The following WWC2 variants were observed in gnomAD, a reference collection of about 807,000 sequenced individuals.
WWC2 encodes WW and C2 domain containing 2.
A neutral mutation model predicts 138.5 loss-of-function variants in WWC2; 101 were observed. The ratio of observed to expected loss-of-function variants is 0.73; its 90% CI spans 0.62 to 0.86. The LOEUF (loss-of-function observed/expected upper bound fraction) is 0.86. Among genes scored for constraint, WWC2 ranks in the 40% least tolerant of loss-of-function variants. The pLI, the probability that WWC2 is intolerant of heterozygous loss-of-function variation, is 0.00. For missense variants in WWC2, 1,420 were observed against 1,419.4 expected (o/e 1.00, Z -0.01); for synonymous variants, 558 against 538.4 (o/e 1.04, Z -0.50).
chr4:183,237,128 C>T lies in WWC2; in HGVS notation c.523-3055C>T, dbSNP rs115102849. Among the ~76,000 whole-genome samples, 1,236 of 152,182 alleles carry T rather than the reference C, an allele frequency of 8.1e-3. 15 individuals carry two copies. Among genetic ancestry groups the T allele is most frequent in the African/African-American group, 0.029 (1,186 of 41,522 alleles). Reference sequence around the variant, plus strand: ...TGTGTTGGGCTGCATTCAAAGCCATCGTGAGTTGGGCAAGCTTGTTTTATA... The same window carrying T: ...TGTGTTGGGCTGCATTCAAAGCCATTGTGAGTTGGGCAAGCTTGTTTTATA... On this transcript the variant is annotated intron_variant, in intron 4 of 22. Coordinates refer to ENST00000403733, the MANE Select transcript of WWC2 (RefSeq NM_024949.6).
chr4:183,296,583 G>A (rs964119631), intron 21 of WWC2, among the ~76,000 whole-genome samples: 4 of 152,056 alleles, frequency 2.6e-5, no homozygotes. Context: ...TTCTGGCCTT[G>A]TAGTAAGTTT....
intron 2 of WWC2, among the ~76,000 whole-genome samples, chr4:183,198,789 T>TAAA (rs56182831): frequency 0.072 from 5,214 of 72,276 alleles, 789 homozygotes; most frequent in African/African-American, 0.11. Context: ...CTCGTCTCTT[T>TAAA]AAAAAAAAAA....
Position 183,245,553 on chromosome 4 carries a change from A to G in WWC2, c.732+8A>G, listed in dbSNP as rs768856738. ...AAACAAGATCTGATGCAGGTACATT[A>G]TAAAACATTTTGTTAAGCCAAACTT... is the stretch of plus-strand genomic sequence containing the variant. On this transcript the variant is annotated splice_region_variant and intron_variant, in intron 6 of 22. Coordinates refer to ENST00000403733, the MANE Select transcript of WWC2 (RefSeq NM_024949.6). 2 of 1,573,008 alleles carry G rather than the reference A, an allele frequency of 1.3e-6. No individual in the cohort carries two copies. The highest frequency in any genetic ancestry group is 1.7e-6 in the Non-Finnish European group (2 of 1,165,478).
intron 1 of WWC2, among the ~76,000 whole-genome samples, chr4:183,144,140 T>A (rs1426111575): frequency 6.6e-6 from 1 of 152,232 alleles, no homozygotes; most frequent in Non-Finnish European, 1.5e-5. Flanking sequence ...TTGCATTTCT[T>A]CAGAACTTCT....
At chr4:183,213,389 T>C (rs532224456) in intron 4 of WWC2, among the ~76,000 whole-genome samples, 14 of 152,372 alleles carry the variant, frequency 9.2e-5, no homozygotes, top group Admixed American at 2.0e-4. Context: ...CTTGAATAAA[T>C]TAACTCATCA....
intron 1 of WWC2, among the ~76,000 whole-genome samples, chr4:183,129,074 G>A (rs953476530): frequency 1.3e-5 from 2 of 152,168 alleles, no homozygotes; most frequent in African/African-American, 2.4e-5. Flanking sequence ...AAATGCTAAG[G>A]TGATTTCATA....
intron 1 of WWC2, among the ~76,000 whole-genome samples, chr4:183,119,330 A>G (rs544976203): frequency 6.6e-6 from 1 of 152,218 alleles, no homozygotes; most frequent in African/African-American, 2.4e-5. Context: ...GTTTAAGGAT[A>G]TATAGTGATA....
chr4:183,289,765 A>C, intron 21 of WWC2, 130 bp downstream of exon 21: 1 of 1,390,346 alleles, frequency 7.2e-7, no homozygotes, highest in Non-Finnish European at 9.6e-7. Flanking sequence ...AGCTTGGAAC[A>C]TATTTTTCCC....
chr4:183,265,620 G>T, intron 12 of WWC2, 68 bp from the exon 13 acceptor site: 2 of 1,471,044 alleles, frequency 1.4e-6, no homozygotes, highest in Non-Finnish European at 1.9e-6. Flanking sequence ...TCACTAAGTG[G>T]CAAACTGTTA....
At chr4:183,137,456 GGAC>G (rs1733156193) in intron 1 of WWC2, among the ~76,000 whole-genome samples, 2 of 151,474 alleles carry the variant, frequency 1.3e-5, no homozygotes, top group African/African-American at 4.8e-5. Flanking sequence ...CATAGGGTCA[GGAC>G]CATCAAGATA....
chr4:183,264,423 A>T lies in WWC2; in HGVS notation c.1910-555A>T, dbSNP rs1737427764. Among the ~76,000 whole-genome samples the T allele has an allele frequency of 2.0e-5, 3 of 152,216 alleles. No individual in the cohort carries two copies. In the South Asian group the frequency reaches 6.2e-4, roughly 32 times the overall value. On this transcript the variant is annotated intron_variant, in intron 11 of 22. Transcript: ENST00000403733. ...AGTTAAGTGGTCATTGGTACTAAAG[A>T]TTCAGTAGCACAAAAAGTTTTTTAA...
At chr4:183,177,532 G>A (rs1734501164) in intron 1 of WWC2, among the ~76,000 whole-genome samples, 1 of 152,042 alleles carries the variant, frequency 6.6e-6, no homozygotes, top group African/African-American at 2.4e-5. Flanking sequence ...GTTTAACAAG[G>A]TTCAAGAATA....
In WWC2 at chr4:183,240,267, G is replaced by T; in HGVS notation, c.602+5G>T. 6.5e-7 allele frequency: 1 copy of T among 1,545,154 alleles called. No individual in the cohort carries two copies. ...AGGCTTTGAAACATTGCAGCAGTGA[G>T]TATGAAAAGACTGAATCAACTTTAG... On this transcript the variant is annotated splice_donor_5th_base_variant and intron_variant, in intron 5 of 22. Coordinates refer to ENST00000403733, the MANE Select transcript of WWC2 (RefSeq NM_024949.6).
chr4:183,172,815 T>C (rs1734333542), intron 1 of WWC2, among the ~76,000 whole-genome samples: 2 of 152,082 alleles, frequency 1.3e-5, no homozygotes, highest in South Asian at 4.1e-4. Flanking sequence ...TACTTTGTTC[T>C]CTCTCTCTGG....
chr4:183,292,032 T>TTAA (rs1553978156), intron 21 of WWC2, among the ~76,000 whole-genome samples: 3 of 145,240 alleles, frequency 2.1e-5, no homozygotes, highest in South Asian at 2.2e-4. Context: ...CAAAAAAAAT[T>TTAA]AAAAAAAAAA....
At chr4:183,309,864 T>C (rs1211737802) in intron 21 of WWC2, among the ~76,000 whole-genome samples, 2 of 152,130 alleles carry the variant, frequency 1.3e-5, no homozygotes, top group Non-Finnish European at 2.9e-5. Flanking sequence ...ATCCAGACAA[T>C]GGAATACTCT....
chr4:183,209,193 G>A (rs998876427), intron 4 of WWC2, among the ~76,000 whole-genome samples, 168 bp downstream of exon 4: 4 of 152,062 alleles, frequency 2.6e-5, no homozygotes, highest in African/African-American at 7.2e-5. Context: ...TCAGAGTGTG[G>A]GATAGTCTTT....
At chr4:183,291,774 A>G (rs1161773791) in intron 21 of WWC2, among the ~76,000 whole-genome samples, 3 of 152,176 alleles carry the variant, frequency 2.0e-5, no homozygotes, top group African/African-American at 7.2e-5. Flanking sequence ...TTTGACTGCT[A>G]TCTAATCTCC....
rs185693811 is a variant in WWC2, at chr4:183,280,520, G to A, written c.2563-256G>A. ...ACGCTAAGGGAAAAGAGTGGCCATG[G>A]CTCACCTTATTATATTTCTGTTCTA... On this transcript the variant is annotated intron_variant, in intron 16 of 22. Coordinates refer to ENST00000403733, the MANE Select transcript of WWC2 (RefSeq NM_024949.6). Among the ~76,000 whole-genome samples, 615 of 152,062 alleles carry A rather than the reference G, an allele frequency of 4.0e-3. 3 individuals are homozygous for A. The highest frequency in any genetic ancestry group is 0.014 in the African/African-American group (595 of 41,492).
Sources: allele counts gnomAD v4.1 joint callset (sites outside exome capture counted in the v4.1 genomes callset), GRCh38; gene constraint gnomAD v4.1.1; transcripts MANE v1.5; gene names NCBI Gene and HGNC (gene_info 2026-07-23, HGNC 2026-07-21).